Variants in FBLIM1 observed in about 807,000 individuals in gnomAD.
The protein encoded by FBLIM1 is filamin-binding LIM protein 1.
Under a neutral mutation model 37.4 loss-of-function variants are expected in FBLIM1, and 29 were observed. The ratio of observed to expected loss-of-function variants is 0.77; its 90% CI spans 0.58 to 1.06. The LOEUF is 1.06. Ranked by LOEUF, FBLIM1 falls within the 50% of genes least tolerant of loss-of-function variation. The pLI is 0.00. For synonymous variants in FBLIM1, 193 were observed against 199.0 expected, an observed-to-expected ratio of 0.97 and a Z score of 0.25; for missense variants, 449 against 505.6, an observed-to-expected ratio of 0.89 and a Z score of 1.07.
At chr1:15,782,506 C>T (rs139454872) in intron 8 of FBLIM1, among the ~76,000 whole-genome samples, 213 of 151,944 alleles carry the variant, frequency 1.4e-3, no homozygotes, top group Non-Finnish European at 2.5e-3. Context: ...TTTCAGCCAC[C>T]GCACAGCTGC....
chr1:15,784,129 C>T (rs1014535563), intron 8 of FBLIM1, among the ~76,000 whole-genome samples: 3 of 152,166 alleles, frequency 2.0e-5, no homozygotes, highest in African/African-American at 7.2e-5. Flanking sequence ...TGCAGTGAGC[C>T]AAGATCGTGC....
chr1:15,770,438 T>G lies in FBLIM1; in HGVS notation c.571T>G (p.Ser191Ala), dbSNP rs776885203. The G allele has an allele frequency of 2.5e-6, 4 of 1,613,308 alleles. No homozygotes were observed. Among genetic ancestry groups the G allele is most frequent in the Non-Finnish European group, 3.4e-6 (4 of 1,179,840 alleles). The change falls in exon 6 of 9, where the codon TCC (serine) becomes GCC (alanine). Residue 191 changes from serine (S) to alanine (A), a missense_variant. By Grantham distance (99) the Ser-to-Ala change is moderately conservative (BLOSUM62 1). Coordinates refer to ENST00000375766, the MANE Select transcript of FBLIM1 (RefSeq NM_017556.4). ...DICAFCHKTVSPRELAVEAMK... is the reference protein window; with the variant it reads ...DICAFCHKTVAPRELAVEAMK... ...CTGTGCCTTCTGCCACAAGACCGTG[T>G]CCCCCCGAGAGCTGGCTGTGGAGGC...
Position 15,777,190 on chromosome 1 carries a change from G to A in FBLIM1, c.911G>A (p.Ser304Asn). The A allele has an allele frequency of 6.2e-7, 1 of 1,609,692 alleles. No homozygotes were observed. The highest frequency in any genetic ancestry group is 8.5e-7 in the Non-Finnish European group (1 of 1,176,438). ...TCTAGGAAATTCGCCCCCGTCTGCA[G>A]CATCTGTGAAAATCCCATCATCCCT... Reference protein sequence around the residue: ...DFYRKFAPVCSICENPIIPRD... With the variant: ...DFYRKFAPVCNICENPIIPRD... Residue 304 changes from serine (S) to asparagine (N), a missense_variant, in exon 8 of 9, where the codon AGC (serine) becomes AAC (asparagine). Transcript: ENST00000375766.
At chr1:15,764,911 G>T in intron 2 of FBLIM1, 53 bp from the exon 3 acceptor site, 2 of 1,531,036 alleles carry the variant, frequency 1.3e-6, no homozygotes, top group Non-Finnish European at 8.8e-7. Flanking sequence ...CTCGGGGGAG[G>T]GTGGCTGTGT....
At position 15,785,906 on chromosome 1, in the gene FBLIM1, CTG is replaced by C. The variant is rs1040186459; in HGVS notation, c.*1249_*1250del. On this transcript the variant is annotated 3_prime_UTR_variant, in exon 9 of 9. Coordinates refer to ENST00000375766, the MANE Select transcript of FBLIM1 (RefSeq NM_017556.4). The stretch of plus-strand genomic sequence containing the variant: ...GCCTTCTGGCGGCACCTCCCGGGTG[CTG>C]TGTTGAGTCAGCAGGCATGGGGTGA... 6.6e-6 allele frequency: 1 copy of C among 152,328 alleles called. No homozygotes were observed. Among genetic ancestry groups the C allele is most frequent in the African/African-American group, 2.4e-5 (1 of 41,462 alleles). The allele number at this position is 152,328 out of a possible 1,614,324, so 9.4% of individuals were successfully genotyped here. A position where few individuals can be genotyped will look rare whatever the true frequency, so the allele number is the denominator to read the frequency against.
At chr1:15,768,018 G>A (rs1159043237) in intron 4 of FBLIM1, among the ~76,000 whole-genome samples, 1 of 152,038 alleles carries the variant, frequency 6.6e-6, no homozygotes, top group Non-Finnish European at 1.5e-5. Context: ...TGAGTATCTG[G>A]GATTACAGGC....
chr1:15,773,536 C>T (rs578032915), intron 6 of FBLIM1, among the ~76,000 whole-genome samples: 4 of 149,952 alleles, frequency 2.7e-5, no homozygotes, highest in East Asian at 4.0e-4. Context: ...AAAAATTAGC[C>T]GGATGTGGTG....
intron 5 of FBLIM1, among the ~76,000 whole-genome samples, 191 bp downstream of exon 5, chr1:15,768,821 C>T (rs2271545): frequency 0.62 from 94,962 of 152,078 alleles, 30,946 homozygotes; most frequent in East Asian, 0.82. Flanking sequence ...TACCTAAATT[C>T]TATTTAAAAT....
chr1:15,770,671 T>C, intron 6 of FBLIM1, 93 bp downstream of exon 6: 2 of 1,413,576 alleles, frequency 1.4e-6, no homozygotes, highest in Non-Finnish European at 1.9e-6. Flanking sequence ...TCCTGGGAAG[T>C]AGGCACTATT....
At position 15,765,323 on chromosome 1, in the gene FBLIM1, A is replaced by C. The variant is rs962363081; in HGVS notation, c.250+90A>C. ...CTCCAGCGTCATTCATTCATTCATT[A>C]TTCATCCTGACAAAATTCACACATC... is the stretch of plus-strand genomic sequence containing the variant. On this transcript the variant is annotated intron_variant, in intron 3 of 8. Coordinates refer to ENST00000375766, the MANE Select transcript of FBLIM1 (RefSeq NM_017556.4). This position sits in a 1 kb window ranked among gnomAD's most constrained non-coding sequence, Gnocchi z 5.9. 4.1e-6 allele frequency: 6 copies of C among 1,478,642 alleles called. No homozygotes were observed. In the South Asian group the frequency reaches 5.4e-5, roughly 13 times the overall value. The allele number at this position is 1,478,642 out of a possible 1,614,324, so 91.6% of individuals were successfully genotyped here.
intron 7 of FBLIM1, among the ~76,000 whole-genome samples, chr1:15,776,178 G>A (rs1303586263): frequency 6.6e-6 from 1 of 151,936 alleles, no homozygotes; most frequent in African/African-American, 2.4e-5. Context: ...AGCACTTTGG[G>A]AGGCCAAGGC....
intron 8 of FBLIM1, 144 bp downstream of exon 8, chr1:15,777,431 G>C (rs2069525198): frequency 1.7e-6 from 1 of 573,662 alleles, no homozygotes; most frequent in Non-Finnish European, 3.1e-6. Context: ...AAAGATACTG[G>C]AAATGCAACC....
intron 5 of FBLIM1, among the ~76,000 whole-genome samples, chr1:15,769,839 T>C (rs1341143475): frequency 6.6e-6 from 1 of 152,124 alleles, no homozygotes; most frequent in Non-Finnish European, 1.5e-5. Context: ...TTTCACCATG[T>C]TGGCCAGATG....
rs1195689561 is a variant in FBLIM1, at chr1:15,785,347, C to T, written c.*686C>T. Reference sequence around the variant, plus strand: ...CTCCGTCTCAAAAAAAAAAAAGTGCCTTTTAGGCCGGATGTGGTGGCTCAT... The same window carrying T: ...CTCCGTCTCAAAAAAAAAAAAGTGCTTTTTAGGCCGGATGTGGTGGCTCAT... On this transcript the variant is annotated 3_prime_UTR_variant, in exon 9 of 9. Transcript: ENST00000375766. 1.3e-5 allele frequency: 1 copy of T among 75,520 alleles called. No individual in the cohort carries two copies. Among genetic ancestry groups the T allele is most frequent in the Non-Finnish European group, 2.8e-5 (1 of 36,300 alleles). 4.7% of individuals were successfully genotyped at this position (75,520 alleles called of 1,614,324 possible).
intron 1 of FBLIM1, among the ~76,000 whole-genome samples, chr1:15,761,732 G>C (rs931693539): frequency 1.3e-5 from 2 of 152,132 alleles, no homozygotes; most frequent in Admixed American, 6.5e-5. Flanking sequence ...ATATTTTATT[G>C]TCAGACTGAG....
At position 15,784,586 on chromosome 1, in the gene FBLIM1, A is replaced by T. The variant is rs1264125743; in HGVS notation, c.1047A>T (p.Gln349His). The stretch of plus-strand genomic sequence containing the variant: ...TCCTGTCTGTCGAGCCCACGGACCA[A>T]GGCTGCTACCCCCTGAACAACCATC... ...RILLSVEPTD[Q>H]GCYPLNNHLF... Residue 349 changes from glutamine to histidine, a missense_variant, in exon 9 of 9, where the codon CAA becomes CAT. Gln to His is a conservative substitution (Grantham distance 24). Coordinates refer to ENST00000375766, the MANE Select transcript of FBLIM1 (RefSeq NM_017556.4). The T allele has an allele frequency of 1.9e-6, 3 of 1,614,006 alleles. No homozygotes were observed. The highest frequency in any genetic ancestry group is 2.5e-6 in the Non-Finnish European group (3 of 1,179,986).
chr1:15,759,816 G>A (rs1330262527), intron 1 of FBLIM1, among the ~76,000 whole-genome samples: 2 of 152,244 alleles, frequency 1.3e-5, no homozygotes, highest in Non-Finnish European at 2.9e-5. Flanking sequence ...GTGGGAAAGA[G>A]GTTGAGGGAA....
chr1:15,769,762 G>A (rs376333783), intron 5 of FBLIM1, among the ~76,000 whole-genome samples: 159 of 151,712 alleles, frequency 1.0e-3, no homozygotes, highest in Non-Finnish European at 1.9e-3. Flanking sequence ...TCAGTCTCCT[G>A]AGTACTGGGA....
At chr1:15,782,235 C>T (rs2069662467) in intron 8 of FBLIM1, among the ~76,000 whole-genome samples, 1 of 151,442 alleles carries the variant, frequency 6.6e-6, no homozygotes, top group African/African-American at 2.4e-5. Flanking sequence ...AGTAAGACCT[C>T]ATCTTACCAT....
Sources: gnomAD v4.1 joint callset for allele counts (sites outside exome capture counted in the v4.1 genomes callset) on GRCh38, gnomAD v4.1.1 for gene constraint, Gnocchi (gnomAD v3.1) non-coding constraint, MANE v1.5 for transcripts, NCBI Gene and HGNC (gene_info 2026-07-23, HGNC 2026-07-21) for gene names.